Variants in MAPK10 observed in about 807,000 individuals in gnomAD.
The protein encoded by MAPK10 is JNK3 alpha protein kinase.
In MAPK10, 25 loss-of-function variants were observed where a neutral mutation model predicts 59.3. The ratio of observed to expected loss-of-function variants is 0.42; its 90% CI spans 0.31 to 0.59. The LOEUF is 0.59. Ranked by LOEUF, MAPK10 falls within the 20% of genes least tolerant of loss-of-function variation. The pLI is 0.15. For synonymous variants in MAPK10, 190 were observed against 200.5 expected (o/e 0.95, Z 0.44); for missense variants, 351 against 568.9 (o/e 0.62, Z 3.90).
chr4:86,559,589 T>C (rs541952094), intron 1 of MAPK10, among the ~76,000 whole-genome samples: 9 of 152,298 alleles, frequency 5.9e-5, no homozygotes, highest in Admixed American at 5.2e-4. Context: ...GGCAAAAATA[T>C]ACCTTCAGTT....
At chr4:86,029,859 T>C (rs1276775999) in intron 12 of MAPK10, among the ~76,000 whole-genome samples, 1 of 152,146 alleles carries the variant, frequency 6.6e-6, no homozygotes, top group South Asian at 2.1e-4. Context: ...AATCTAAACT[T>C]GCCAAAAACC....
At chr4:86,394,258 G>A (rs978084116) in intron 1 of MAPK10, among the ~76,000 whole-genome samples, 4 of 151,270 alleles carry the variant, frequency 2.6e-5, no homozygotes, top group African/African-American at 7.3e-5. Flanking sequence ...AACACAGCAA[G>A]ACTCCATTTC....
chr4:86,546,061 G>A (rs1375429313), intron 1 of MAPK10, among the ~76,000 whole-genome samples: 1 of 151,664 alleles, frequency 6.6e-6, no homozygotes, highest in African/African-American at 2.4e-5. Context: ...GACCAGCCTG[G>A]GCAACAAAAA....
intron 2 of MAPK10, among the ~76,000 whole-genome samples, chr4:86,229,172 A>G (rs1583208514): frequency 6.6e-6 from 1 of 152,318 alleles, no homozygotes; most frequent in East Asian, 1.9e-4. Flanking sequence ...AGCAAAGTCA[A>G]TTCTAGGGTC....
chr4:86,060,088 A>G (rs1264433723), intron 11 of MAPK10, among the ~76,000 whole-genome samples: 2 of 152,146 alleles, frequency 1.3e-5, no homozygotes, highest in African/African-American at 4.8e-5. Context: ...GTTGATCACC[A>G]CTGGCCATGA....
intron 1 of MAPK10, among the ~76,000 whole-genome samples, chr4:86,582,294 T>C (rs1762365640): frequency 7.2e-6 from 1 of 138,354 alleles, no homozygotes; most frequent in African/African-American, 2.7e-5. Context: ...TTGTTTACTT[T>C]GTTATAAGTT....
At chr4:86,423,770 C>CATATATATATATATACATATAT (rs1746862551) in intron 1 of MAPK10, among the ~76,000 whole-genome samples, 2 of 91,618 alleles carry the variant, frequency 2.2e-5, no homozygotes, top group Non-Finnish European at 4.7e-5. Context: ...GATATATATA[C>CATATATATATATATACATATAT]ATATATATAT....
chr4:86,315,374 A>C (rs1389423060), intron 2 of MAPK10, among the ~76,000 whole-genome samples: 1 of 152,088 alleles, frequency 6.6e-6, no homozygotes, highest in Non-Finnish European at 1.5e-5. Flanking sequence ...ATAATAATTT[A>C]ATTGTACATT....
At chr4:86,493,596 G>C (rs567409018) in intron 1 of MAPK10, among the ~76,000 whole-genome samples, 1 of 152,046 alleles carries the variant, frequency 6.6e-6, no homozygotes, top group Non-Finnish European at 1.5e-5. Context: ...CTGTCATTTT[G>C]GGCCTTAGCA....
chr4:86,287,058 G>A (rs2095041530), intron 2 of MAPK10, among the ~76,000 whole-genome samples: 1 of 152,132 alleles, frequency 6.6e-6, no homozygotes, highest in Non-Finnish European at 1.5e-5. Context: ...TCAGTTCAAT[G>A]AGGAAAACAG....
chr4:86,209,204 C>A (rs1340269203), intron 2 of MAPK10, among the ~76,000 whole-genome samples: 2 of 151,936 alleles, frequency 1.3e-5, no homozygotes, highest in Non-Finnish European at 2.9e-5. Context: ...AAAGAAAATA[C>A]AAGACTTGAA....
chr4:86,190,427 G>A (rs572070693), intron 3 of MAPK10, among the ~76,000 whole-genome samples: 2 of 152,132 alleles, frequency 1.3e-5, no homozygotes, highest in Non-Finnish European at 2.9e-5. Flanking sequence ...TTCAGCACTT[G>A]TTATTGGTCT....
intron 1 of MAPK10, among the ~76,000 whole-genome samples, chr4:86,379,247 A>G (rs1740299335): frequency 6.6e-6 from 1 of 152,248 alleles, no homozygotes; most frequent in Non-Finnish European, 1.5e-5. Flanking sequence ...CGAAACGTCC[A>G]TCTCCATCTG....
chr4:86,231,034 T>C (rs569056256), intron 2 of MAPK10, among the ~76,000 whole-genome samples: 1 of 152,206 alleles, frequency 6.6e-6, no homozygotes, highest in South Asian at 2.1e-4. Context: ...AAAATATGAA[T>C]TGATAAGCAT....
intron 11 of MAPK10, among the ~76,000 whole-genome samples, chr4:86,033,826 C>G (rs986968507): frequency 1.3e-5 from 2 of 152,180 alleles, no homozygotes; most frequent in Non-Finnish European, 2.9e-5. Context: ...CATTCACATA[C>G]AGATGTCTTC....
chr4:86,462,340 A>G (rs991627578), intron 1 of MAPK10, among the ~76,000 whole-genome samples: 2 of 152,238 alleles, frequency 1.3e-5, no homozygotes, highest in African/African-American at 4.8e-5. Flanking sequence ...AAACAGAGCC[A>G]GGAGAGCCTA....
At chr4:86,561,403 C>T (rs1395364488) in intron 1 of MAPK10, among the ~76,000 whole-genome samples, 1 of 152,112 alleles carries the variant, frequency 6.6e-6, no homozygotes, top group Non-Finnish European at 1.5e-5. Context: ...GTTAATAGTC[C>T]AGACTCTCAT....
intron 3 of MAPK10, among the ~76,000 whole-genome samples, chr4:86,178,125 TACC>T: frequency 6.6e-6 from 1 of 152,226 alleles, no homozygotes; most frequent in East Asian, 1.9e-4. Flanking sequence ...GGACCTTAAA[TACC>T]ACCACAATAT....
intron 1 of MAPK10, among the ~76,000 whole-genome samples, chr4:86,589,682 C>CAA (rs879534619): frequency 4.4e-5 from 5 of 114,546 alleles, no homozygotes; most frequent in African/African-American, 1.3e-4. Flanking sequence ...AACTCCGTCT[C>CAA]AAAAAAAAAA....
Sources: gnomAD v4.1 joint callset for allele counts (sites outside exome capture counted in the v4.1 genomes callset) on GRCh38, gnomAD v4.1.1 for gene constraint, MANE v1.5 for transcripts, NCBI Gene and HGNC (gene_info 2026-07-23, HGNC 2026-07-21) for gene names.